SVOP: variants seen among roughly 807,000 people sequenced by gnomAD.
SVOP encodes SV2 related protein.
A neutral mutation model predicts 69.1 loss-of-function variants in SVOP; 17 were observed. The observed-to-expected ratio is 0.25, with a 90% CI of 0.17 to 0.37. The LOEUF (loss-of-function observed/expected upper bound fraction) is 0.37. SVOP is among the 10% of genes least tolerant of loss of function. The probability of loss-of-function intolerance (pLI) is 1.00; values close to 1 mark genes in which losing one functional copy is unlikely to be tolerated. For synonymous variants in SVOP, 238 were observed against 238.6 expected (o/e 1.00, Z 0.02); for missense variants, 435 against 597.5 (o/e 0.73, Z 2.84).
chr12:109,021,007 G>C lies in SVOP; in HGVS notation c.-139C>G, dbSNP rs1001819404. 4 of 581,626 alleles carry C rather than the reference G, an allele frequency of 6.9e-6. No homozygotes were observed. The highest frequency in any genetic ancestry group is 1.2e-5 in the Non-Finnish European group (4 of 321,144). The allele number at this position is 581,626 out of a possible 1,614,324, so 36.0% of individuals were successfully genotyped here. On this transcript the variant is annotated 5_prime_UTR_variant, in exon 1 of 16. Transcript: ENST00000610966. ...CCTGGAGCAGCAGCTGTTCGGGGAGGGAGCCGCTGGGGACCAGCCCACGAG... is the reference window on the plus strand; with the variant it reads ...CCTGGAGCAGCAGCTGTTCGGGGAGCGAGCCGCTGGGGACCAGCCCACGAG...
intron 12 of SVOP, among the ~76,000 whole-genome samples, chr12:108,921,968 GA>G (rs1285839277): frequency 6.6e-6 from 1 of 152,066 alleles, no homozygotes; most frequent in Non-Finnish European, 1.5e-5. Flanking sequence ...CCTCTTAAAA[GA>G]AAAAAAGATA....
chr12:108,918,083 A>G lies in SVOP; in HGVS notation c.1310T>C (p.Ile437Thr), dbSNP rs1246727333. Residue 437 changes from isoleucine (I) to threonine (T), a missense_variant, in exon 14 of 16, where the codon ATT becomes ACT. Coordinates refer to ENST00000610966, the MANE Select transcript of SVOP (RefSeq NM_018711.5). ...ATATGCCGCTTGAAAGCCTCCAGAA[A>G]TAAACGCTCTTGCAATGAAGAGTAA... ...TLLLFIARAF[I>T]SGGFQAAYVY... is the part of the protein sequence containing the mutation. The G allele has an allele frequency of 1.3e-6, 2 of 1,583,024 alleles. No individual in the cohort carries two copies. Among genetic ancestry groups the G allele is most frequent in the Non-Finnish European group, 1.7e-6 (2 of 1,164,330 alleles).
chr12:108,934,766 G>A (rs1416543416), intron 10 of SVOP, among the ~76,000 whole-genome samples: 2 of 152,206 alleles, frequency 1.3e-5, no homozygotes, highest in Non-Finnish European at 2.9e-5. Flanking sequence ...TGCCGTTACA[G>A]TTTACAAATG....
chr12:108,918,245 C>G (rs183426421), intron 13 of SVOP, 121 bp from the exon 14 acceptor site: 12 of 631,588 alleles, frequency 1.9e-5, no homozygotes, highest in Non-Finnish European at 3.2e-5. Context: ...CTCCCCGATG[C>G]TCATTGATAC....
intron 9 of SVOP, 149 bp downstream of exon 9, chr12:108,938,678 C>T: frequency 7.9e-7 from 1 of 1,271,438 alleles, no homozygotes; most frequent in Non-Finnish European, 1.1e-6. Context: ...TCTACTGGGC[C>T]CTCATCTGCT....
chr12:108,922,748 C>A lies in SVOP; in HGVS notation c.1098G>T (p.Glu366Asp). ...AVEAKCSLAC[E>D]YLSEEDYMDL... is the part of the protein sequence containing the mutation. Reference sequence around the variant, plus strand: ...CCATGTAATCCTCCTCACTCAGGTACTCGCAGGCCAGGCTGCATTTTGCCT... The same window carrying A: ...CCATGTAATCCTCCTCACTCAGGTAATCGCAGGCCAGGCTGCATTTTGCCT... The change falls in exon 12 of 16, where the codon GAG becomes GAT. Residue 366 changes from glutamate (E) to aspartate (D), a missense_variant. Glu to Asp is a conservative substitution (Grantham distance 45). Transcript: ENST00000610966. The A allele has an allele frequency of 1.2e-6, 2 of 1,611,866 alleles. No individual in the cohort carries two copies. The highest frequency in any genetic ancestry group is 1.7e-6 in the Non-Finnish European group (2 of 1,179,232).
intron 5 of SVOP, among the ~76,000 whole-genome samples, chr12:108,970,377 C>G (rs902606892): frequency 1.3e-5 from 2 of 152,184 alleles, no homozygotes; most frequent in African/African-American, 2.4e-5. Context: ...GATAATAGCA[C>G]CTACTTCAAT....
At chr12:108,972,609 G>C in intron 4 of SVOP, 133 bp from the exon 5 acceptor site, 1 of 910,750 alleles carries the variant, frequency 1.1e-6, no homozygotes. Context: ...AGCCTGCCAA[G>C]GGGCAAACAC....
intron 10 of SVOP, among the ~76,000 whole-genome samples, chr12:108,935,419 C>T (rs1410654468): frequency 1.3e-5 from 2 of 152,166 alleles, no homozygotes; most frequent in African/African-American, 4.8e-5. Context: ...TAATTAATTG[C>T]TTCAGTATTC....
intron 10 of SVOP, among the ~76,000 whole-genome samples, chr12:108,935,866 G>C (rs1566051451): frequency 6.6e-6 from 1 of 152,042 alleles, no homozygotes. Flanking sequence ...CCTTCCATGG[G>C]TATTATTTAA....
At chr12:108,976,956 C>T (rs543504747) in intron 4 of SVOP, among the ~76,000 whole-genome samples, 1 of 152,314 alleles carries the variant, frequency 6.6e-6, no homozygotes, top group Admixed American at 6.5e-5. Flanking sequence ...ATCTCCCTGA[C>T]AAAAAGTGAG....
intron 2 of SVOP, among the ~76,000 whole-genome samples, chr12:108,982,964 CATCATCATA>C (rs2040148896): frequency 6.6e-6 from 1 of 151,014 alleles, no homozygotes; most frequent in Admixed American, 6.6e-5. Flanking sequence ...TCACCATCAT[CATCATCATA>C]ATCATCACTA....
intron 11 of SVOP, among the ~76,000 whole-genome samples, chr12:108,924,093 G>A (rs773349647): frequency 9.9e-5 from 15 of 152,090 alleles, no homozygotes; most frequent in Non-Finnish European, 1.9e-4. Context: ...AGGTTGAAGG[G>A]AGCTCCCCAG....
chr12:109,017,645 G>C (rs2040374896), intron 1 of SVOP, among the ~76,000 whole-genome samples: 1 of 152,038 alleles, frequency 6.6e-6, no homozygotes, highest in South Asian at 2.1e-4. Context: ...TGCCTCCCAG[G>C]TTCAAGAGAT....
chr12:109,017,206 A>C (rs1762300936), intron 1 of SVOP, among the ~76,000 whole-genome samples: 1 of 152,082 alleles, frequency 6.6e-6, no homozygotes, highest in African/African-American at 2.4e-5. Flanking sequence ...ACCTCCTGTC[A>C]ATCAGCAGCG....
At chr12:108,991,648 C>T (rs1216616052) in intron 1 of SVOP, among the ~76,000 whole-genome samples, 1 of 151,638 alleles carries the variant, frequency 6.6e-6, no homozygotes, top group Non-Finnish European at 1.5e-5. Flanking sequence ...TAGAGACAGA[C>T]TTTCTCCATG....
chr12:108,933,781 G>A (rs958865270), intron 11 of SVOP, among the ~76,000 whole-genome samples: 7 of 152,150 alleles, frequency 4.6e-5, no homozygotes, highest in Non-Finnish European at 1.0e-4. Flanking sequence ...TACCTGAGCT[G>A]GCTGACAAGA....
At chr12:108,992,538 C>T (rs534177992) in intron 1 of SVOP, among the ~76,000 whole-genome samples, 62 of 152,286 alleles carry the variant, frequency 4.1e-4, no homozygotes, top group Non-Finnish European at 6.9e-4. Flanking sequence ...GAGACACTGT[C>T]TCTGAAAAAC....
intron 2 of SVOP, among the ~76,000 whole-genome samples, chr12:108,982,499 AC>A (rs1273908042): frequency 2.9e-5 from 4 of 138,840 alleles, no homozygotes; most frequent in Admixed American, 2.1e-4. Context: ...CATCATCACC[AC>A]CACTATCATC....
Sources: gnomAD v4.1 joint callset for allele counts (sites outside exome capture counted in the v4.1 genomes callset) on GRCh38, gnomAD v4.1.1 for gene constraint, MANE v1.5 for transcripts, NCBI Gene and HGNC (gene_info 2026-07-23, HGNC 2026-07-21) for gene names.